Variants in CSNK1G1 observed in about 807,000 individuals in gnomAD.
CSNK1G1 encodes the protein casein kinase 1 gamma 1.
Under a neutral mutation model 59.6 loss-of-function variants are expected in CSNK1G1, and 22 were observed. The ratio of observed to expected loss-of-function variants is 0.37; its 90% CI spans 0.26 to 0.53. CSNK1G1 has a LOEUF of 0.53. Among genes scored for constraint, CSNK1G1 ranks in the 20% least tolerant of loss-of-function variants. The probability of loss-of-function intolerance (pLI) is 0.89; values close to 1 mark genes in which losing one functional copy is unlikely to be tolerated. For synonymous variants in CSNK1G1, 179 were observed against 177.1 expected, an observed-to-expected ratio of 1.01 and a Z score of -0.08; for missense variants, 384 against 519.5, an observed-to-expected ratio of 0.74 and a Z score of 2.54.
chr15:64,187,960 G>C lies in CSNK1G1; in HGVS notation c.1108-7506C>G, dbSNP rs750001841. Among the ~76,000 whole-genome samples, 65 of 152,158 alleles carry C rather than the reference G, an allele frequency of 4.3e-4. 1 individual carries two copies. Among genetic ancestry groups the C allele is most frequent in the Non-Finnish European group, 3.2e-4 (22 of 68,028 alleles). Reference sequence around the variant, plus strand: ...TGACTTATACAAATTAACATTCTCAGCTTATGCGTTAAGGCACATATCATG... The same window carrying C: ...TGACTTATACAAATTAACATTCTCACCTTATGCGTTAAGGCACATATCATG... On this transcript the variant is annotated intron_variant, in intron 10 of 11. Coordinates refer to ENST00000303052, the MANE Select transcript of CSNK1G1 (RefSeq NM_022048.5).
At chr15:64,293,990 T>C (rs952760435) in intron 2 of CSNK1G1, among the ~76,000 whole-genome samples, 3 of 152,228 alleles carry the variant, frequency 2.0e-5, no homozygotes, top group Admixed American at 2.0e-4. Context: ...TGATAATGGC[T>C]AAATTGAATA....
chr15:64,307,884 C>T (rs1895768199), intron 1 of CSNK1G1, among the ~76,000 whole-genome samples: 1 of 152,040 alleles, frequency 6.6e-6, no homozygotes, highest in Non-Finnish European at 1.5e-5. Flanking sequence ...GACGGGGTTT[C>T]ACCATGTTAG....
chr15:64,249,655 A>C (rs1891964926), intron 4 of CSNK1G1, among the ~76,000 whole-genome samples: 1 of 152,178 alleles, frequency 6.6e-6, no homozygotes, highest in Admixed American at 6.5e-5. Flanking sequence ...AGTCTCAGAG[A>C]TTCCAGTTTT....
intron 10 of CSNK1G1, among the ~76,000 whole-genome samples, chr15:64,183,113 G>A (rs1194165805): frequency 1.3e-5 from 2 of 152,140 alleles, no homozygotes; most frequent in Non-Finnish European, 2.9e-5. Context: ...CTACTCACAC[G>A]AATGAAACAT....
Position 64,166,377 on chromosome 15 carries a change from C to T in CSNK1G1, c.*5554G>A, listed in dbSNP as rs746930093. On this transcript the variant is annotated 3_prime_UTR_variant, in exon 12 of 12. Transcript: ENST00000303052. This position sits in a 1 kb window ranked among gnomAD's most constrained non-coding sequence, Gnocchi z 4.5. ...TTTCTGCTGTTATTTTTTTTCTCTG[C>T]TTGATAAAATGGGGCTCATTCCTAA... 16 of 175,698 alleles carry T rather than the reference C, an allele frequency of 9.1e-5. No individual in the cohort carries two copies. Among genetic ancestry groups the T allele is most frequent in the Admixed American group, 2.5e-4 (4 of 15,950 alleles). The allele number at this position is 175,698 out of a possible 1,614,324, so 10.9% of individuals were successfully genotyped here. A position where few individuals can be genotyped will look rare whatever the true frequency, so the allele number is the denominator to read the frequency against.
intron 4 of CSNK1G1, among the ~76,000 whole-genome samples, chr15:64,237,423 C>T (rs1004551302): frequency 9.2e-5 from 14 of 152,114 alleles, no homozygotes; most frequent in Admixed American, 6.5e-5. Flanking sequence ...ATCCTTTCTT[C>T]CCAGGTTATG....
chr15:64,333,157 T>C (rs1897202649), intron 1 of CSNK1G1, among the ~76,000 whole-genome samples: 1 of 145,416 alleles, frequency 6.9e-6, no homozygotes, highest in South Asian at 2.1e-4. Flanking sequence ...CTCGGGAGGC[T>C]GAGACAGGTG....
chr15:64,312,786 A>G (rs559959382), intron 1 of CSNK1G1, among the ~76,000 whole-genome samples: 20 of 152,376 alleles, frequency 1.3e-4, no homozygotes, highest in Admixed American at 7.8e-4. Context: ...GCTGCTGCAC[A>G]GCAAAAGAAA....
intron 7 of CSNK1G1, among the ~76,000 whole-genome samples, chr15:64,206,563 G>T (rs531788750): frequency 7.6e-6 from 1 of 130,838 alleles, no homozygotes; most frequent in South Asian, 2.4e-4. Context: ...GCCCAGCCTG[G>T]GAAACAGAGT....
At chr15:64,317,777 C>G (rs551718568) in intron 1 of CSNK1G1, among the ~76,000 whole-genome samples, 1 of 152,174 alleles carries the variant, frequency 6.6e-6, no homozygotes, top group Non-Finnish European at 1.5e-5. Context: ...GGATTATAGG[C>G]GTGAGCCACC....
chr15:64,320,576 G>A (rs1438835920), intron 1 of CSNK1G1, among the ~76,000 whole-genome samples: 2 of 151,782 alleles, frequency 1.3e-5, no homozygotes, highest in African/African-American at 4.8e-5. Context: ...CTACTTGGGA[G>A]GCTGAGGCGG....
intron 10 of CSNK1G1, among the ~76,000 whole-genome samples, chr15:64,194,839 T>G (rs138119421): frequency 2.6e-5 from 4 of 152,326 alleles, no homozygotes; most frequent in Admixed American, 6.5e-5. Flanking sequence ...CTTTATGTCC[T>G]TTAAATGTAT....
chr15:64,190,783 G>A (rs2081960057), intron 10 of CSNK1G1, among the ~76,000 whole-genome samples: 2 of 152,260 alleles, frequency 1.3e-5, no homozygotes, highest in African/African-American at 4.8e-5. Flanking sequence ...GACTGCTGGA[G>A]ATCTGAGAAT....
At chr15:64,184,066 G>A (rs897982637) in intron 10 of CSNK1G1, among the ~76,000 whole-genome samples, 2 of 152,116 alleles carry the variant, frequency 1.3e-5, no homozygotes, top group Non-Finnish European at 2.9e-5. Context: ...CATTTTGGGA[G>A]GCCGAGGTGG....
chr15:64,256,257 C>CCTGT (rs995216488), intron 3 of CSNK1G1, among the ~76,000 whole-genome samples: 17 of 152,158 alleles, frequency 1.1e-4, no homozygotes, highest in Non-Finnish European at 4.4e-5. Context: ...TCTGACAAAC[C>CCTGT]ACAGAGGCAA....
At chr15:64,205,047 C>G in intron 7 of CSNK1G1, 98 bp from the exon 8 acceptor site, 9 of 663,662 alleles carry the variant, frequency 1.4e-5, no homozygotes, top group Admixed American at 3.3e-5. Context: ...CTCAAATTCG[C>G]AGTATTTGTT....
intron 4 of CSNK1G1, among the ~76,000 whole-genome samples, chr15:64,231,813 T>C (rs778602525): frequency 1.3e-5 from 2 of 152,234 alleles, no homozygotes; most frequent in Non-Finnish European, 2.9e-5. Context: ...TCTACTGTTT[T>C]AGCTTGTGTT....
chr15:64,264,229 C>T (rs1892860017), intron 2 of CSNK1G1, among the ~76,000 whole-genome samples: 1 of 152,104 alleles, frequency 6.6e-6, no homozygotes, highest in South Asian at 2.1e-4. Flanking sequence ...TGTATTTTTA[C>T]AATATTAATC....
intron 1 of CSNK1G1, among the ~76,000 whole-genome samples, chr15:64,354,740 A>AT (rs1898544448): frequency 6.6e-6 from 1 of 152,168 alleles, no homozygotes; most frequent in Non-Finnish European, 1.5e-5. Context: ...TTAAAATGGG[A>AT]TGTTACTTAT....
Sources: gnomAD v4.1 joint callset for allele counts (sites outside exome capture counted in the v4.1 genomes callset) on GRCh38, gnomAD v4.1.1 for gene constraint, Gnocchi (gnomAD v3.1) non-coding constraint, MANE v1.5 for transcripts, NCBI Gene and HGNC (gene_info 2026-07-23, HGNC 2026-07-21) for gene names.